The following TMEM132D variants were observed in gnomAD, a reference collection of about 807,000 sequenced individuals.
The protein encoded by TMEM132D is mature OL transmembrane protein.
A neutral mutation model predicts 62.3 loss-of-function variants in TMEM132D; 21 were observed. That is an observed-to-expected ratio of 0.34 (90% confidence interval 0.24 to 0.49). The LOEUF is 0.49. Among genes scored for constraint, TMEM132D ranks in the 20% least tolerant of loss-of-function variants. The pLI, the probability that TMEM132D is intolerant of heterozygous loss-of-function variation, is 0.99. For missense variants in TMEM132D, 1,346 were observed against 1,402.8 expected, an observed-to-expected ratio of 0.96 and a Z score of 0.65; for synonymous variants, 621 against 575.6, an observed-to-expected ratio of 1.08 and a Z score of -1.13.
intron 1 of TMEM132D, among the ~76,000 whole-genome samples, chr12:129,721,180 C>T (rs994433487): frequency 6.6e-6 from 1 of 152,138 alleles, no homozygotes; most frequent in Admixed American, 6.5e-5. Flanking sequence ...AAGGTGGGCA[C>T]GTGTGTTTTC....
intron 1 of TMEM132D, among the ~76,000 whole-genome samples, chr12:129,843,069 A>C (rs575068965): frequency 6.6e-6 from 1 of 152,328 alleles, no homozygotes; most frequent in South Asian, 2.1e-4. Context: ...TTAAGTTTGG[A>C]AGTCTCTAAC....
At chr12:129,699,658 C>G (rs1025457758) in intron 2 of TMEM132D, 152 bp downstream of exon 2, 25 of 918,912 alleles carry the variant, frequency 2.7e-5, no homozygotes, top group Non-Finnish European at 1.6e-6. Context: ...TCAGACTGGT[C>G]TCTGTATTCC....
At chr12:129,725,145 G>A (rs7957855) in intron 1 of TMEM132D, among the ~76,000 whole-genome samples, 123,139 of 152,072 alleles carry the variant, frequency 0.81, 50,680 homozygotes, top group Non-Finnish European at 0.9. Flanking sequence ...AATCGACCAT[G>A]ATTAGATATG....
chr12:129,834,020 C>A (rs534727001), intron 1 of TMEM132D, among the ~76,000 whole-genome samples: 1 of 152,316 alleles, frequency 6.6e-6, no homozygotes, highest in South Asian at 2.1e-4. Flanking sequence ...GGGGTGTCAT[C>A]TCTGTTCTTC....
At chr12:129,877,655 C>T (rs996530289) in intron 1 of TMEM132D, among the ~76,000 whole-genome samples, 2 of 147,918 alleles carry the variant, frequency 1.4e-5, no homozygotes, top group African/African-American at 5.1e-5. Flanking sequence ...AGAGAGAGAG[C>T]GCTATAAGCT....
chr12:129,158,464 G>A (rs1877306771), intron 5 of TMEM132D, among the ~76,000 whole-genome samples: 1 of 152,244 alleles, frequency 6.6e-6, no homozygotes, highest in East Asian at 1.9e-4. Flanking sequence ...ATGTGGCACA[G>A]ACAACTGGAA....
intron 1 of TMEM132D, among the ~76,000 whole-genome samples, chr12:129,760,750 CCCT>C (rs965802090): frequency 6.6e-6 from 1 of 151,786 alleles, no homozygotes; most frequent in African/African-American, 2.4e-5. Flanking sequence ...ACCCATCAAC[CCCT>C]CCTCTAGGTT....
intron 2 of TMEM132D, among the ~76,000 whole-genome samples, chr12:129,614,768 C>A (rs1400257199): frequency 6.6e-6 from 1 of 152,206 alleles, no homozygotes; most frequent in East Asian, 1.9e-4. Context: ...CACAGCCATG[C>A]ACACCGGGGA....
At chr12:129,586,637 T>C in intron 2 of TMEM132D, among the ~76,000 whole-genome samples, 1 of 152,348 alleles carries the variant, frequency 6.6e-6, no homozygotes, top group East Asian at 1.9e-4. Context: ...ATCCCATTCC[T>C]GAGGGCTCCA....
intron 5 of TMEM132D, among the ~76,000 whole-genome samples, chr12:129,172,805 C>T (rs976796530): frequency 9.2e-5 from 14 of 152,186 alleles, no homozygotes; most frequent in Non-Finnish European, 1.3e-4. Flanking sequence ...CTCAAACTCC[C>T]GGCCTCAGGC....
chr12:129,562,441 T>C (rs774790777), intron 2 of TMEM132D, among the ~76,000 whole-genome samples: 1 of 152,098 alleles, frequency 6.6e-6, no homozygotes, highest in Non-Finnish European at 1.5e-5. Context: ...AGATAACCTG[T>C]CAACAGAGAA....
chr12:129,543,767 C>A (rs1426965975), intron 2 of TMEM132D, among the ~76,000 whole-genome samples: 1 of 152,162 alleles, frequency 6.6e-6, no homozygotes. Context: ...CAAATATATA[C>A]ATAAAAACAT....
chr12:129,289,653 C>A (rs961349342), intron 4 of TMEM132D, among the ~76,000 whole-genome samples: 1 of 151,446 alleles, frequency 6.6e-6, no homozygotes, highest in Non-Finnish European at 1.5e-5. Context: ...CACAACTTGA[C>A]TTCAATCACA....
At chr12:129,502,760 A>C (rs7311819) in intron 3 of TMEM132D, among the ~76,000 whole-genome samples, 2,192 of 152,290 alleles carry the variant, frequency 0.014, 58 homozygotes, top group African/African-American at 0.049. Flanking sequence ...ATTGGACCTA[A>C]ATATATCACT....
At position 129,398,618 on chromosome 12, in the gene TMEM132D, AC is replaced by A. The variant is rs1212903897; in HGVS notation, c.1116-60802del. The stretch of plus-strand genomic sequence containing the variant: ...TATGCATGATGAGGATCACATCTTC[AC>A]CTTAGGGAAAGACACACGATATATA... On this transcript the variant is annotated intron_variant, in intron 3 of 8. Transcript: ENST00000422113. Among the ~76,000 whole-genome samples, 10 of 152,310 alleles carry A rather than the reference AC, an allele frequency of 6.6e-5. No individual in the cohort carries two copies. In the East Asian group the frequency reaches 1.7e-3, roughly 26 times the overall value.
rs1382647440 is a variant in TMEM132D, at chr12:129,466,088, G to A, written c.1115+64971C>T. ...AGTAAATTGCGTGGCACATTCCTTA[G>A]CACATAACAAGCAAGAAGAAGTCAT... On this transcript the variant is annotated intron_variant, in intron 3 of 8. Coordinates refer to ENST00000422113, the MANE Select transcript of TMEM132D (RefSeq NM_133448.3). Among the ~76,000 whole-genome samples, 4 of 152,216 alleles carry A rather than the reference G, an allele frequency of 2.6e-5. No individual in the cohort carries two copies. In the East Asian group the frequency reaches 7.7e-4, roughly 29 times the overall value.
intron 4 of TMEM132D, among the ~76,000 whole-genome samples, chr12:129,271,443 G>T (rs1566018164): frequency 6.6e-6 from 1 of 151,684 alleles, no homozygotes; most frequent in East Asian, 1.9e-4. Context: ...TGCAGAACAT[G>T]CAGGTTTGTT....
intron 4 of TMEM132D, among the ~76,000 whole-genome samples, chr12:129,258,264 A>C (rs193026076): frequency 1.2e-3 from 190 of 152,262 alleles, no homozygotes; most frequent in African/African-American, 4.3e-3. Context: ...TATAGCAGAT[A>C]GTACATATAT....
chr12:129,375,491 G>A (rs1870757559), intron 3 of TMEM132D, among the ~76,000 whole-genome samples: 2 of 152,158 alleles, frequency 1.3e-5, no homozygotes, highest in African/African-American at 4.8e-5. Context: ...GCGTGCCTTG[G>A]TATTTTAAAA....
Sources: allele counts gnomAD v4.1 joint callset (sites outside exome capture counted in the v4.1 genomes callset), GRCh38; gene constraint gnomAD v4.1.1; transcripts MANE v1.5; gene names NCBI Gene and HGNC (gene_info 2026-07-23, HGNC 2026-07-21).